Variants in IFT140 observed in about 807,000 individuals in gnomAD.
IFT140 encodes the protein intraflagellar transport 140.
Under a neutral mutation model 164.6 loss-of-function variants are expected in IFT140, and 133 were observed. The observed-to-expected ratio is 0.81, with a 90% confidence interval of 0.70 to 0.93. The LOEUF (loss-of-function observed/expected upper bound fraction) is 0.93, where lower values mean the gene tolerates loss of function less well. Ranked by LOEUF, IFT140 falls within the 40% of genes least tolerant of loss-of-function variation. The pLI is 0.00. For missense variants in IFT140, 2,045 were observed against 1,972.3 expected, an observed-to-expected ratio of 1.04 and a Z score of -0.70; for synonymous variants, 860 against 817.3, an observed-to-expected ratio of 1.05 and a Z score of -0.89.
Position 1,523,538 on chromosome 16 carries a change from G to A in IFT140, c.3433C>T (p.Leu1145=), listed in dbSNP as rs1441242580. The part of the protein sequence containing the change: ...EHSQYERAVE[L]LLAARKYQEA... The stretch of plus-strand genomic sequence containing the variant: ...CGTACCTTCCTGGCAGCCAGCAGCA[G>A]CTCTACCGCCCTCTCGTACTGACTG... Residue 1145 remains leucine, a synonymous_variant, in exon 26 of 31, where the codon CTG becomes TTG. Coordinates refer to ENST00000426508, the MANE Select transcript of IFT140 (RefSeq NM_014714.4). The A allele has an allele frequency of 2.5e-6, 4 of 1,612,298 alleles. No individual in the cohort carries two copies. The highest frequency in any genetic ancestry group is 2.2e-5 in the East Asian group (1 of 44,874).
At chr16:1,587,157 G>A (rs778956578) in intron 9 of IFT140, 41 bp downstream of exon 9, 2 of 1,243,204 alleles carry the variant, frequency 1.6e-6, no homozygotes, top group South Asian at 1.2e-5. Context: ...CAATGCTTGT[G>A]GTTGGTTCTG....
intron 7 of IFT140, among the ~76,000 whole-genome samples, chr16:1,589,253 G>A (rs927597846): frequency 3.3e-5 from 5 of 152,276 alleles, no homozygotes; most frequent in Non-Finnish European, 7.4e-5. Flanking sequence ...GGATACGGTC[G>A]CCTGCCCGCT....
rs758535401 is a variant in IFT140 at position 1,511,015 on chromosome 16, G to A, written c.4318C>T (p.Arg1440Cys). The A allele has an allele frequency of 1.2e-4, 194 of 1,607,838 alleles. No individual in the cohort carries two copies. The highest frequency in any genetic ancestry group is 1.6e-4 in the Non-Finnish European group (183 of 1,176,798). ...CTGGCGTCCTCCATGCTGTTGTGGC[G>A]GACCTGCTCGGGGACGGTGCGTGGC... ...PLPRTVPEQV[R>C]HNSMEDAREL... The change falls in exon 31 of 31, where the codon CGC becomes TGC. Residue 1440 changes from arginine to cysteine, a missense_variant. Coordinates refer to ENST00000426508, the MANE Select transcript of IFT140 (RefSeq NM_014714.4).
Position 1,587,263 on chromosome 16 carries a change from G to C in IFT140, c.944C>G (p.Pro315Arg). Residue 315 changes from proline (P) to arginine (R), a missense_variant, in exon 9 of 31, where the codon CCA (proline) becomes CGA (arginine). Transcript: ENST00000426508. ...TTTCTCAAAGCCAAACTTCTCATCT[G>C]GACTCAGTATATAATTCTCTCCTCG... ...IERGENYILS[P>R]DEKFGFEKGE... The C allele has an allele frequency of 6.2e-7, 1 of 1,612,774 alleles. No individual in the cohort carries two copies. Among genetic ancestry groups the C allele is most frequent in the South Asian group, 1.1e-5 (1 of 91,060 alleles).
At chr16:1,530,131 A>ATTTTTTTT (rs2030295926) in intron 19 of IFT140, among the ~76,000 whole-genome samples, 1 of 126,540 alleles carries the variant, frequency 7.9e-6, no homozygotes, top group African/African-American at 3.7e-5. Flanking sequence ...CACGACGGGA[A>ATTTTTTTT]TCTTTTTTTT....
At position 1,534,555 on chromosome 16, in the gene IFT140, C is replaced by T. The variant is rs148391234; in HGVS notation, c.2400-7759G>A. 63 of 1,601,644 alleles carry T rather than the reference C, an allele frequency of 3.9e-5. No individual in the cohort carries two copies. In the East Asian group the frequency reaches 8.9e-4, roughly 23 times the overall value. On this transcript the variant is annotated intron_variant, in intron 19 of 30. Coordinates refer to ENST00000426508, the MANE Select transcript of IFT140 (RefSeq NM_014714.4). ...CCAGGAGTCCCGAGGCACCGTCAAACGTAAGTCCAATTGTTTTCCTGATGC... is the reference window on the plus strand; with the variant it reads ...CCAGGAGTCCCGAGGCACCGTCAAATGTAAGTCCAATTGTTTTCCTGATGC...
intron 3 of IFT140, chr16:1,604,448 G>A (rs1303884352): frequency 6.6e-6 from 1 of 152,338 alleles, no homozygotes; most frequent in African/African-American, 2.4e-5. Flanking sequence ...GAAGGCCGAG[G>A]AAGGCTGTGC....
At chr16:1,534,482 C>T (rs373990763) in intron 19 of IFT140, 27 of 1,610,364 alleles carry the variant, frequency 1.7e-5, no homozygotes, top group African/African-American at 1.5e-4. Context: ...GCCAGGTGGA[C>T]GCACATGACT....
Position 1,564,144 on chromosome 16 carries a change from A to T in IFT140, c.1920T>A (p.Asp640Glu), listed in dbSNP as rs1490154289. Reference protein sequence around the residue: ...QETNKSHLFVDEGLKNYVPVN... With the variant: ...QETNKSHLFVEEGLKNYVPVN... The stretch of plus-strand genomic sequence containing the variant: ...CGGGAACATAATTTTTCAGTCCCTC[A>T]TCCACAAAGAGGTGGCTCCTAAAAG... Residue 640 changes from aspartate (D) to glutamate (E), a missense_variant, in exon 17 of 31, where the codon GAT becomes GAA. Transcript: ENST00000426508. This position sits in a 1 kb window ranked among gnomAD's most constrained non-coding sequence, Gnocchi z 5.5. The T allele has an allele frequency of 1.3e-6, 2 of 1,580,720 alleles. No individual in the cohort carries two copies. The highest frequency in any genetic ancestry group is 1.7e-5 in the Admixed American group (1 of 58,352).
Position 1,526,931 on chromosome 16 carries a change from G to A in IFT140, c.2400-135C>T, listed in dbSNP as rs1290103513. On this transcript the variant is annotated intron_variant, in intron 19 of 30. Coordinates refer to ENST00000426508, the MANE Select transcript of IFT140 (RefSeq NM_014714.4). ...GCATGAGGAGGGGCCTTCACCCATC[G>A]GCTCCGCCCCTGGGCAAGACTGCAG... The A allele has an allele frequency of 1.6e-5, 16 of 978,576 alleles. No individual in the cohort carries two copies. The East Asian group carries it at 4.0e-4, about 25-fold the overall frequency. The allele number at this position is 978,576 out of a possible 1,614,324, so 60.6% of individuals were successfully genotyped here.
chr16:1,510,934 C>T lies in IFT140; in HGVS notation c.*10G>A. On this transcript the variant is annotated 3_prime_UTR_variant, in exon 31 of 31. Coordinates refer to ENST00000426508, the MANE Select transcript of IFT140 (RefSeq NM_014714.4). The stretch of plus-strand genomic sequence containing the variant: ...CTGCAGCAGCACGCTGGTCCTGGGG[C>T]CCAGGCCCCTCAGGGGTCGTCATCT... 3 of 1,608,310 alleles carry T rather than the reference C, an allele frequency of 1.9e-6. No individual in the cohort carries two copies. The highest frequency in any genetic ancestry group is 2.5e-6 in the Non-Finnish European group (3 of 1,177,878).
chr16:1,546,158 G>A (rs1456404164), intron 19 of IFT140, among the ~76,000 whole-genome samples: 2 of 152,240 alleles, frequency 1.3e-5, no homozygotes, highest in African/African-American at 4.8e-5. Flanking sequence ...GGGGGTCAGG[G>A]CAAGTTGCCA....
chr16:1,601,482 G>A (rs1399431658), intron 4 of IFT140, among the ~76,000 whole-genome samples: 1 of 152,132 alleles, frequency 6.6e-6, no homozygotes, highest in Admixed American at 6.5e-5. Flanking sequence ...GGAGAGTGGC[G>A]TCTAAGCATG....
chr16:1,556,016 A>G (rs2033056758), intron 19 of IFT140, among the ~76,000 whole-genome samples: 1 of 152,134 alleles, frequency 6.6e-6, no homozygotes, highest in Admixed American at 6.5e-5. Context: ...TGAGGCAGGA[A>G]AATTGCTTGA....
At chr16:1,585,601 T>C (rs1054296936) in intron 10 of IFT140, among the ~76,000 whole-genome samples, 5 of 152,046 alleles carry the variant, frequency 3.3e-5, no homozygotes, top group African/African-American at 1.2e-4. Flanking sequence ...GAGGGATGGG[T>C]TCGTGGGTAG....
chr16:1,534,141 GCCTCCGCCCGCGCCGCCC>G (rs1347814497), intron 19 of IFT140: 1 of 1,146,668 alleles, frequency 8.7e-7, no homozygotes, highest in African/African-American at 1.6e-5. Context: ...CATCCCATGG[GCCTCCGCCCGCGCCGCCC>G]CGAGGATGAG....
At chr16:1,532,797 A>AT (rs1387973120) in intron 19 of IFT140, 1 of 152,262 alleles carries the variant, frequency 6.6e-6, no homozygotes, top group Admixed American at 6.5e-5. Context: ...GCTGGGCAGA[A>AT]TAATTCTGAG....
chr16:1,592,335 C>T lies in IFT140; in HGVS notation c.492-17G>A, dbSNP rs1265659790. 3 of 1,613,928 alleles carry T rather than the reference C, an allele frequency of 1.9e-6. No individual in the cohort carries two copies. The highest frequency in any genetic ancestry group is 2.7e-5 in the African/African-American group (2 of 74,920). ...ACCAGGTCCCTGAAAGCAAACACGA[C>T]ACGAAGCAAGATTCTTCTGCCACTC... On this transcript the variant is annotated splice_polypyrimidine_tract_variant and intron_variant, in intron 5 of 30. Transcript: ENST00000426508.
intron 4 of IFT140, among the ~76,000 whole-genome samples, chr16:1,594,275 G>C (rs1325367807): frequency 6.6e-6 from 1 of 151,712 alleles, no homozygotes; most frequent in Non-Finnish European, 1.5e-5. Context: ...GGCTGGAATG[G>C]AGTGGTGCAA....
Sources: allele counts gnomAD v4.1 joint callset (sites outside exome capture counted in the v4.1 genomes callset), GRCh38; gene constraint gnomAD v4.1.1; non-coding constraint Gnocchi (gnomAD v3.1); transcripts MANE v1.5; gene names NCBI Gene and HGNC (gene_info 2026-07-23, HGNC 2026-07-21).